Variants in ZEB2 observed in about 807,000 individuals in gnomAD.
The protein encoded by ZEB2 is zinc finger E-box-binding homeobox 2.
ZEB2 carries 6 observed loss-of-function variants against 99.9 expected under a neutral mutation model. The observed-to-expected ratio is 0.06, with a 90% CI of 0.03 to 0.12. The LOEUF (loss-of-function observed/expected upper bound fraction) is 0.12. Among genes scored for constraint, ZEB2 ranks in the 10% least tolerant of loss-of-function variants. The pLI is 1.00. For synonymous variants in ZEB2, 517 were observed against 542.5 expected (o/e 0.95, Z 0.65); for missense variants, 969 against 1,502.8 (o/e 0.64, Z 5.87).
intron 4 of ZEB2, among the ~76,000 whole-genome samples, chr2:144,423,512 C>A (rs978904679): frequency 2.0e-5 from 3 of 152,118 alleles, no homozygotes; most frequent in Non-Finnish European, 2.9e-5. Flanking sequence ...TGAATCTATT[C>A]GTTTTGCAGT....
intron 2 of ZEB2, among the ~76,000 whole-genome samples, chr2:144,438,152 T>C (rs757352809): frequency 9.2e-5 from 14 of 152,146 alleles, no homozygotes; most frequent in Non-Finnish European, 1.3e-4. Flanking sequence ...GAGACTGGAG[T>C]TCTAGCCTAT....
intron 2 of ZEB2, among the ~76,000 whole-genome samples, chr2:144,449,937 T>G (rs1187236136): frequency 6.6e-6 from 1 of 152,146 alleles, no homozygotes; most frequent in Non-Finnish European, 1.5e-5. Flanking sequence ...AGAGGATGAG[T>G]GACTTTTGGG....
chr2:144,509,886 G>T (rs772319128), intron 2 of ZEB2, among the ~76,000 whole-genome samples: 1 of 152,082 alleles, frequency 6.6e-6, no homozygotes, highest in Non-Finnish European at 1.5e-5. Context: ...GCCTGCGAGG[G>T]TTTAAACAGT....
chr2:144,411,097 AT>A (rs1703456831), intron 4 of ZEB2, among the ~76,000 whole-genome samples: 1 of 99,144 alleles, frequency 1.0e-5, no homozygotes, highest in South Asian at 3.7e-4. Flanking sequence ...ATATATATAT[AT>A]ATGTATAATA....
Position 144,389,502 on chromosome 2 carries a change from T to C in ZEB2, c.3594A>G (p.Lys1198=). ...HSMDDSSEDG[K]METKSDHEED... ...CCTCGTGGTCTGATTTGGTTTCCAT[T>C]TTCCCATCCTCCGAACTATCGTCCA... Residue 1198 remains lysine (K), a synonymous_variant, in exon 10 of 10, where the codon AAA becomes AAG. Coordinates refer to ENST00000627532, the MANE Select transcript of ZEB2 (RefSeq NM_014795.4). The surrounding 1 kb of genome is among the most constrained non-coding windows in gnomAD (Gnocchi z 6.8). 6.2e-7 allele frequency: 1 copy of C among 1,614,174 alleles called. No individual in the cohort carries two copies. The highest frequency in any genetic ancestry group is 8.5e-7 in the Non-Finnish European group (1 of 1,180,046).
At chr2:144,432,135 T>A (rs1411738602) in intron 2 of ZEB2, among the ~76,000 whole-genome samples, 1 of 152,140 alleles carries the variant, frequency 6.6e-6, no homozygotes, top group Non-Finnish European at 1.5e-5. Context: ...GATAAATGAT[T>A]TATGAACAGC....
At chr2:144,456,117 GT>G (rs531749927) in intron 2 of ZEB2, among the ~76,000 whole-genome samples, 19,548 of 146,026 alleles carry the variant, frequency 0.13, 1,579 homozygotes, top group African/African-American at 0.24. Context: ...TTGTTCCATT[GT>G]TTTTTTTTTT....
At chr2:144,441,996 G>A (rs1703924295) in intron 2 of ZEB2, among the ~76,000 whole-genome samples, 1 of 152,050 alleles carries the variant, frequency 6.6e-6, no homozygotes, top group Admixed American at 6.6e-5. Context: ...AGAAGCCCTG[G>A]GCAGAAAGAA....
intron 9 of ZEB2, among the ~76,000 whole-genome samples, chr2:144,393,698 C>A (rs1392501667): frequency 1.3e-5 from 2 of 152,092 alleles, no homozygotes; most frequent in African/African-American, 4.8e-5. Context: ...AATACACTGA[C>A]AGTAGTAATG....
chr2:144,409,753 G>A (rs1703433385), intron 4 of ZEB2, among the ~76,000 whole-genome samples: 1 of 152,106 alleles, frequency 6.6e-6, no homozygotes, highest in African/African-American at 2.4e-5. Context: ...GCCTGGCATG[G>A]TGGTGCGTGC....
chr2:144,474,717 A>C (rs1353864445), intron 2 of ZEB2, among the ~76,000 whole-genome samples: 1 of 152,184 alleles, frequency 6.6e-6, no homozygotes. Context: ...ATAGGACCTT[A>C]CATTAGATCA....
rs1703107937 is a variant in ZEB2, at chr2:144,388,070, T to C, written c.*1381A>G. 1 of 152,732 alleles carries C rather than the reference T, an allele frequency of 6.5e-6. No homozygotes were observed. The highest frequency in any genetic ancestry group is 1.9e-4 in the East Asian group (1 of 5,186). The allele number at this position is 152,732 out of a possible 1,614,324, so 9.5% of individuals were successfully genotyped here. On this transcript the variant is annotated 3_prime_UTR_variant, in exon 10 of 10. Transcript: ENST00000627532. This position sits in a 1 kb window ranked among gnomAD's most constrained non-coding sequence, Gnocchi z 5.4. ...GGTCATTTTCAAAAGAAATTACAAA[T>C]TGAAAATTCAATAATACTTTTACAA... is the stretch of plus-strand genomic sequence containing the variant.
intron 2 of ZEB2, among the ~76,000 whole-genome samples, chr2:144,500,732 T>A (rs1472485853): frequency 6.6e-6 from 1 of 152,186 alleles, no homozygotes; most frequent in Non-Finnish European, 1.5e-5. Context: ...GTTTATGAAT[T>A]ACTCTGTACT....
In ZEB2 at chr2:144,394,072, C is replaced by T. The variant is rs560851475; in HGVS notation, c.3067+2340G>A. Among the ~76,000 whole-genome samples, 3 of 152,244 alleles carry T rather than the reference C, an allele frequency of 2.0e-5. 1 individual carries two copies. The South Asian group carries it at 6.2e-4, about 32-fold the overall frequency. On this transcript the variant is annotated intron_variant, in intron 9 of 9. Transcript: ENST00000627532. ...AAGTAGCTGGGATTACAGGCATGCA[C>T]CACCACACCCAGCTAATTTTGTATT...
rs1295409839 is a variant in ZEB2 at position 144,429,782 on chromosome 2, A to T, written c.318T>A (p.Ser106=). 3.7e-6 allele frequency: 6 copies of T among 1,613,860 alleles called. No individual in the cohort carries two copies. Among genetic ancestry groups the T allele is most frequent in the Non-Finnish European group, 5.1e-6 (6 of 1,179,808 alleles). Residue 106 remains serine (S), a synonymous_variant, in exon 3 of 10, where the codon TCT becomes TCA. Coordinates refer to ENST00000627532, the MANE Select transcript of ZEB2 (RefSeq NM_014795.4). The part of the protein sequence containing the change: ...PWHNNEILQA[S]VDGPEEMKED... ...TTAGACACTTACCTGGACCATCTAC[A>T]GAGGCTTGTAGAATCTCGTTGTTGT...
chr2:144,485,164 T>C (rs1427905309), intron 2 of ZEB2, among the ~76,000 whole-genome samples: 1 of 152,240 alleles, frequency 6.6e-6, no homozygotes, highest in Non-Finnish European at 1.5e-5. Context: ...CTGTCAGTTC[T>C]GTTTCAATTT....
chr2:144,443,092 A>G (rs1009371391), intron 2 of ZEB2, among the ~76,000 whole-genome samples: 1 of 152,160 alleles, frequency 6.6e-6, no homozygotes, highest in Non-Finnish European at 1.5e-5. Context: ...CTTGGGGAAA[A>G]GTAGGCTAAT....
At chr2:144,454,882 C>A (rs538176187) in intron 2 of ZEB2, among the ~76,000 whole-genome samples, 1 of 152,118 alleles carries the variant, frequency 6.6e-6, no homozygotes, top group Non-Finnish European at 1.5e-5. Flanking sequence ...GAGCATCACA[C>A]ACACACACCC....
rs1265523951 is a variant in ZEB2 at position 144,398,694 on chromosome 2, TATA to T, written c.2490_2492del (p.Ile831del). On this transcript the variant is annotated inframe_deletion, in exon 8 of 10. Coordinates refer to ENST00000627532, the MANE Select transcript of ZEB2 (RefSeq NM_014795.4). ...TAGCTTTTGTTTTGTTCTTTGTGGC[TATA>T]ATACTTTTGGGTTCTTTCATTTGTT... The T allele has an allele frequency of 1.9e-6, 3 of 1,614,036 alleles. No homozygotes were observed. Among genetic ancestry groups the T allele is most frequent in the Non-Finnish European group, 2.5e-6 (3 of 1,180,030 alleles).
Sources: allele counts gnomAD v4.1 joint callset (sites outside exome capture counted in the v4.1 genomes callset), GRCh38; gene constraint gnomAD v4.1.1; non-coding constraint Gnocchi (gnomAD v3.1); transcripts MANE v1.5; gene names NCBI Gene and HGNC (gene_info 2026-07-23, HGNC 2026-07-21).